Variants in TRAK2 observed in about 807,000 individuals in gnomAD.
TRAK2 encodes the protein trafficking kinesin-binding protein 2.
Under a neutral mutation model 104.6 loss-of-function variants are expected in TRAK2, and 81 were observed. That is an observed-to-expected ratio of 0.77 (90% CI 0.65 to 0.93). TRAK2 has a LOEUF of 0.93. Ranked by LOEUF, TRAK2 falls within the 40% of genes least tolerant of loss-of-function variation. The pLI is 0.00. For missense variants in TRAK2, 1,002 were observed against 1,089.0 expected, an observed-to-expected ratio of 0.92 and a Z score of 1.12; for synonymous variants, 406 against 394.4, an observed-to-expected ratio of 1.03 and a Z score of -0.35.
At chr2:201,387,273 A>G (rs1951399770) in intron 13 of TRAK2, among the ~76,000 whole-genome samples, 1 of 152,170 alleles carries the variant, frequency 6.6e-6, no homozygotes, top group African/African-American at 2.4e-5. Flanking sequence ...AAAAGGAAAA[A>G]TACAGGTACA....
At chr2:201,402,295 A>G (rs1951556928) in intron 3 of TRAK2, among the ~76,000 whole-genome samples, 1 of 152,040 alleles carries the variant, frequency 6.6e-6, no homozygotes, top group African/African-American at 2.4e-5. Context: ...ACTGAGTATG[A>G]AGGGATATCA....
At chr2:201,430,070 C>G (rs1951828069) in intron 1 of TRAK2, among the ~76,000 whole-genome samples, 1 of 152,208 alleles carries the variant, frequency 6.6e-6, no homozygotes, top group African/African-American at 2.4e-5. Flanking sequence ...AGCTGCAGGT[C>G]TGTTGGAGTT....
intron 15 of TRAK2, among the ~76,000 whole-genome samples, chr2:201,382,716 T>C (rs1261404790): frequency 1.3e-5 from 2 of 152,222 alleles, no homozygotes; most frequent in East Asian, 3.8e-4. Flanking sequence ...CTTTAGTGGA[T>C]ATCATCCAAA....
At position 201,427,651 on chromosome 2, in the gene TRAK2, T is replaced by C. The variant is rs1420872207; in HGVS notation, c.-199-6945A>G. On this transcript the variant is annotated intron_variant, in intron 1 of 15. Transcript: ENST00000332624. ...AAACATACACGTGCATGTGTCTGTA[T>C]AGCAGCATGATTTATAATCCTTTGG... Among the ~76,000 whole-genome samples, 3 of 152,234 alleles carry C rather than the reference T, an allele frequency of 2.0e-5. No individual in the cohort carries two copies. The East Asian group carries it at 5.8e-4, about 29-fold the overall frequency.
At chr2:201,443,602 G>T (rs4129010) in intron 1 of TRAK2, among the ~76,000 whole-genome samples, 84,131 of 151,744 alleles carry the variant, frequency 0.55, 24,368 homozygotes, top group Non-Finnish European at 0.65. Flanking sequence ...CAGACTTCTT[G>T]ACTCCACTCA....
chr2:201,405,751 G>A (rs933080403), intron 3 of TRAK2, among the ~76,000 whole-genome samples: 3 of 152,186 alleles, frequency 2.0e-5, no homozygotes, highest in African/African-American at 4.8e-5. Flanking sequence ...CTGGGAGGCC[G>A]AGGCAAGCAG....
chr2:201,448,043 T>C (rs1951976943), intron 1 of TRAK2, among the ~76,000 whole-genome samples: 1 of 152,226 alleles, frequency 6.6e-6, no homozygotes, highest in Non-Finnish European at 1.5e-5. Context: ...AAAGATTTGA[T>C]CACTGAAGGA....
chr2:201,410,284 C>T (rs958398193), intron 2 of TRAK2, among the ~76,000 whole-genome samples: 22 of 149,944 alleles, frequency 1.5e-4, no homozygotes, highest in Middle Eastern at 3.2e-3. Flanking sequence ...TCAGCCTGGG[C>T]GACAGAGCAA....
chr2:201,443,382 CTTACA>C (rs1407235197), intron 1 of TRAK2, among the ~76,000 whole-genome samples: 1 of 152,162 alleles, frequency 6.6e-6, no homozygotes, highest in Non-Finnish European at 1.5e-5. Context: ...AGAGAGAGAT[CTTACA>C]ATGCTCATTC....
At chr2:201,408,635 ATTTT>A (rs1258457397) in intron 2 of TRAK2, among the ~76,000 whole-genome samples, 1 of 152,220 alleles carries the variant, frequency 6.6e-6, no homozygotes, top group Admixed American at 6.5e-5. Flanking sequence ...AGCCTGCTGA[ATTTT>A]TAAAAGTATT....
At chr2:201,393,502 G>A (rs990019789) in intron 9 of TRAK2, among the ~76,000 whole-genome samples, 14 of 152,036 alleles carry the variant, frequency 9.2e-5, no homozygotes, top group Admixed American at 2.0e-4. Flanking sequence ...GTAGATCTTC[G>A]TGCCTTGTTT....
intron 1 of TRAK2, among the ~76,000 whole-genome samples, chr2:201,429,528 C>T (rs777008374): frequency 2.6e-5 from 4 of 152,216 alleles, no homozygotes; most frequent in African/African-American, 7.2e-5. Context: ...TCTTTTCACA[C>T]AGTCCCATAT....
intron 2 of TRAK2, 61 bp downstream of exon 2, chr2:201,420,356 G>A: frequency 7.2e-7 from 1 of 1,383,600 alleles, no homozygotes; most frequent in Non-Finnish European, 1.0e-6. Context: ...ATGCTGGACT[G>A]AGGCATTTGC....
chr2:201,405,103 C>T (rs1023040186), intron 3 of TRAK2, among the ~76,000 whole-genome samples: 3 of 152,130 alleles, frequency 2.0e-5, no homozygotes, highest in East Asian at 1.9e-4. Flanking sequence ...ACTGTATAAA[C>T]GCTAAGTGTC....
At chr2:201,388,174 A>G (rs1951410098) in intron 12 of TRAK2, 173 bp from the exon 13 acceptor site, 2 of 690,984 alleles carry the variant, frequency 2.9e-6, no homozygotes, top group East Asian at 2.8e-5. Flanking sequence ...ACAACACTAT[A>G]TATCATTTTT....
chr2:201,423,342 G>A (rs1206170916), intron 1 of TRAK2, among the ~76,000 whole-genome samples: 1 of 152,136 alleles, frequency 6.6e-6, no homozygotes, highest in Non-Finnish European at 1.5e-5. Flanking sequence ...AACACGCTAA[G>A]TGGAAGAAGC....
At chr2:201,438,258 A>C (rs1951893605) in intron 1 of TRAK2, among the ~76,000 whole-genome samples, 1 of 152,250 alleles carries the variant, frequency 6.6e-6, no homozygotes, top group Non-Finnish European at 1.5e-5. Context: ...AATGATGGTA[A>C]ACAATTTATG....
intron 6 of TRAK2, 119 bp from the exon 7 acceptor site, chr2:201,397,699 AC>A (rs1951514522): frequency 2.7e-6 from 2 of 729,854 alleles, no homozygotes; most frequent in African/African-American, 3.5e-5. Context: ...AAAAAACCCA[AC>A]AACCTGTTCA....
chr2:201,385,341 AT>A (rs74268993), intron 14 of TRAK2, among the ~76,000 whole-genome samples: 347 of 143,840 alleles, frequency 2.4e-3, no homozygotes, highest in Admixed American at 2.8e-3. Flanking sequence ...ATTTAATTTA[AT>A]TTTTTTTTTT....
Sources: allele counts gnomAD v4.1 joint callset (sites outside exome capture counted in the v4.1 genomes callset), GRCh38; gene constraint gnomAD v4.1.1; transcripts MANE v1.5; gene names NCBI Gene and HGNC (gene_info 2026-07-23, HGNC 2026-07-21).